UBE2R2: variants seen among roughly 807,000 people sequenced by gnomAD.
UBE2R2 encodes the protein ubiquitin conjugating enzyme E2 R2.
UBE2R2 carries 1 observed loss-of-function variant against 27.8 expected under a neutral mutation model. The observed-to-expected ratio is 0.04, with a 90% CI of 0.01 to 0.17. UBE2R2 has a LOEUF of 0.17. Ranked by LOEUF, UBE2R2 falls within the 10% of genes least tolerant of loss-of-function variation. UBE2R2 has a pLI of 1.00. For missense variants in UBE2R2, 100 were observed against 291.0 expected, an observed-to-expected ratio of 0.34 and a Z score of 4.78; for synonymous variants, 106 against 113.3, an observed-to-expected ratio of 0.94 and a Z score of 0.41.
intron 1 of UBE2R2, among the ~76,000 whole-genome samples, chr9:33,842,179 C>T (rs1434056174): frequency 6.6e-6 from 1 of 152,060 alleles, no homozygotes; most frequent in Non-Finnish European, 1.5e-5. Context: ...GTCAGAGGAT[C>T]ACTTGAGCCC....
chr9:33,867,219 T>C (rs977410995), intron 1 of UBE2R2, among the ~76,000 whole-genome samples: 2 of 152,148 alleles, frequency 1.3e-5, no homozygotes, highest in Non-Finnish European at 2.9e-5. Context: ...ATCTCTTTTG[T>C]GTCAGGCTTC....
At chr9:33,827,428 A>G (rs1382191822) in intron 1 of UBE2R2, among the ~76,000 whole-genome samples, 6 of 152,134 alleles carry the variant, frequency 3.9e-5, no homozygotes, top group Admixed American at 6.5e-5. Flanking sequence ...ATCACTTGAG[A>G]TTAGGAGTTC....
chr9:33,914,793 C>T (rs1365770589), intron 4 of UBE2R2, among the ~76,000 whole-genome samples: 6 of 150,434 alleles, frequency 4.0e-5, no homozygotes, highest in Admixed American at 4.0e-4. Context: ...CGCGCCACTG[C>T]ACTCCAGCCT....
At chr9:33,856,717 T>C (rs1009351377) in intron 1 of UBE2R2, among the ~76,000 whole-genome samples, 25 of 151,846 alleles carry the variant, frequency 1.6e-4, no homozygotes, top group Non-Finnish European at 3.1e-4. Context: ...TCTTTTTTTT[T>C]TTCTTTCCAT....
At position 33,917,976 on chromosome 9, in the gene UBE2R2, A is replaced by G. The variant is rs1253578262; in HGVS notation, c.*739A>G. On this transcript the variant is annotated 3_prime_UTR_variant, in exon 5 of 5. Transcript: ENST00000263228. ...GATCGAAAGCCTGAAATAAATATTC[A>G]TACTTTCCATAGAACTGAGCACTTG... is the stretch of plus-strand genomic sequence containing the variant. 6.5e-6 allele frequency: 1 copy of G among 153,772 alleles called. No homozygotes were observed. The highest frequency in any genetic ancestry group is 2.4e-5 in the African/African-American group (1 of 41,452). 9.5% of individuals were successfully genotyped at this position (153,772 alleles called of 1,614,324 possible).
chr9:33,877,807 G>GTCTA (rs1821639010), intron 1 of UBE2R2, among the ~76,000 whole-genome samples: 2 of 106,324 alleles, frequency 1.9e-5, no homozygotes, highest in African/African-American at 8.1e-5. Flanking sequence ...CTCTCTGTCT[G>GTCTA]TCTGTCTGTC....
chr9:33,883,093 AAAT>A (rs780868005), intron 1 of UBE2R2, among the ~76,000 whole-genome samples: 56 of 152,256 alleles, frequency 3.7e-4, no homozygotes, highest in Non-Finnish European at 6.2e-4. Context: ...CACCTCAAAA[AAAT>A]AATAATAATA....
At chr9:33,827,777 C>A (rs1376549378) in intron 1 of UBE2R2, among the ~76,000 whole-genome samples, 2 of 151,878 alleles carry the variant, frequency 1.3e-5, no homozygotes, top group Non-Finnish European at 2.9e-5. Context: ...TCAAGACCAG[C>A]CTGACCAACA....
chr9:33,886,394 C>T (rs1168692171), intron 1 of UBE2R2, among the ~76,000 whole-genome samples: 6 of 152,098 alleles, frequency 3.9e-5, no homozygotes, highest in Admixed American at 1.3e-4. Context: ...CGGTGGCTCA[C>T]GCCTGTAATC....
At chr9:33,876,814 G>T (rs1402337782) in intron 1 of UBE2R2, among the ~76,000 whole-genome samples, 4 of 151,704 alleles carry the variant, frequency 2.6e-5, no homozygotes, top group Non-Finnish European at 5.9e-5. Context: ...TACTCAGGAG[G>T]CTGAGGCAGG....
At chr9:33,856,023 A>C (rs1821093095) in intron 1 of UBE2R2, among the ~76,000 whole-genome samples, 1 of 152,002 alleles carries the variant, frequency 6.6e-6, no homozygotes, top group Non-Finnish European at 1.5e-5. Context: ...GTGCCACTGT[A>C]CTCCAGCCTG....
At position 33,918,236 on chromosome 9, in the gene UBE2R2, GTTTTTGT is replaced by G. The variant is rs1393739319; in HGVS notation, c.*1005_*1011del. The G allele has an allele frequency of 6.6e-6, 1 of 151,930 alleles. No homozygotes were observed. The highest frequency in any genetic ancestry group is 2.4e-5 in the African/African-American group (1 of 41,312). 9.4% of individuals were successfully genotyped at this position (151,930 alleles called of 1,614,324 possible). A position where few individuals can be genotyped will look rare whatever the true frequency, so the allele number is the denominator to read the frequency against. On this transcript the variant is annotated 3_prime_UTR_variant, in exon 5 of 5. Coordinates refer to ENST00000263228, the MANE Select transcript of UBE2R2 (RefSeq NM_017811.4). ...AAATACACTCGTACCATGACGTTTT[GTTTTTGT>G]TTTTTAAGTAGCCACTTTTAATTAC...
Position 33,837,713 on chromosome 9 carries a change from C to T in UBE2R2, c.177+19779C>T, listed in dbSNP as rs74843382. On this transcript the variant is annotated intron_variant, in intron 1 of 4. Transcript: ENST00000263228. The stretch of plus-strand genomic sequence containing the variant: ...GTGCTAGGATTACAGAGCCACCACA[C>T]CTGGCCTGTTCTTGTTTTTTAATAG... Among the ~76,000 whole-genome samples the T allele has an allele frequency of 1.5e-3, 226 of 152,186 alleles. 1 individual carries two copies. The highest frequency in any genetic ancestry group is 4.8e-3 in the African/African-American group (201 of 41,518).
At chr9:33,828,130 C>T (rs1173276692) in intron 1 of UBE2R2, among the ~76,000 whole-genome samples, 1 of 151,588 alleles carries the variant, frequency 6.6e-6, no homozygotes, top group East Asian at 2.0e-4. Context: ...TGGTGAAACC[C>T]TATCTCTACT....
intron 3 of UBE2R2, among the ~76,000 whole-genome samples, chr9:33,903,019 A>G (rs1822277674): frequency 6.6e-6 from 1 of 152,062 alleles, no homozygotes; most frequent in Non-Finnish European, 1.5e-5. Flanking sequence ...GAATTGCTTG[A>G]ACCTGGGAGG....
intron 1 of UBE2R2, among the ~76,000 whole-genome samples, chr9:33,825,643 C>T (rs1044706116): frequency 6.6e-6 from 1 of 151,964 alleles, no homozygotes; most frequent in East Asian, 1.9e-4. Context: ...GTTGGAGACA[C>T]GTGAGAGAAA....
At chr9:33,861,006 T>C (rs1350540224) in intron 1 of UBE2R2, among the ~76,000 whole-genome samples, 6 of 150,556 alleles carry the variant, frequency 4.0e-5, no homozygotes, top group African/African-American at 1.5e-4. Flanking sequence ...TCCCCCAGGC[T>C]GGAGTGCAGT....
intron 1 of UBE2R2, among the ~76,000 whole-genome samples, chr9:33,850,102 G>A (rs1013701110): frequency 8.5e-5 from 13 of 152,092 alleles, no homozygotes; most frequent in Admixed American, 6.6e-4. Context: ...CCAGAGAAAC[G>A]CACTGGGCTG....
chr9:33,896,491 G>C (rs1413742718), intron 2 of UBE2R2, among the ~76,000 whole-genome samples: 1 of 151,684 alleles, frequency 6.6e-6, no homozygotes, highest in African/African-American at 2.4e-5. Context: ...CGCCCAGTCT[G>C]GAGTGCAGTA....
Sources: allele counts gnomAD v4.1 joint callset (sites outside exome capture counted in the v4.1 genomes callset), GRCh38; gene constraint gnomAD v4.1.1; transcripts MANE v1.5; gene names NCBI Gene and HGNC (gene_info 2026-07-23, HGNC 2026-07-21).